RAPGEF1: variants seen among roughly 807,000 people sequenced by gnomAD.
RAPGEF1 encodes CRK SH3-binding GNRP.
In RAPGEF1, 33 loss-of-function variants were observed where a neutral mutation model predicts 143.3. That is an observed-to-expected ratio of 0.23 (90% confidence interval 0.17 to 0.31). RAPGEF1 has a LOEUF of 0.31. Among genes scored for constraint, RAPGEF1 ranks in the 10% least tolerant of loss-of-function variants. The pLI, the probability that RAPGEF1 is intolerant of heterozygous loss-of-function variation, is 1.00. For synonymous variants in RAPGEF1, 629 were observed against 676.5 expected (o/e 0.93, Z 1.09); for missense variants, 1,199 against 1,645.4 (o/e 0.73, Z 4.69).
intron 1 of RAPGEF1, among the ~76,000 whole-genome samples, chr9:131,666,246 C>T (rs12115743): frequency 0.036 from 5,439 of 152,296 alleles, 210 homozygotes; most frequent in East Asian, 0.088. Flanking sequence ...GTTACTAGAA[C>T]ATCTGTTGTT....
chr9:131,613,171 C>T (rs900388320), intron 12 of RAPGEF1, among the ~76,000 whole-genome samples: 1 of 152,252 alleles, frequency 6.6e-6, no homozygotes, highest in African/African-American at 2.4e-5. Flanking sequence ...TGTGCTCCCA[C>T]TGCACAGAGG....
intron 1 of RAPGEF1, among the ~76,000 whole-genome samples, chr9:131,670,926 C>A (rs563806405): frequency 6.6e-6 from 1 of 152,204 alleles, no homozygotes; most frequent in South Asian, 2.1e-4. Context: ...TTACAAAACT[C>A]GCCATACTGA....
chr9:131,688,624 G>A (rs991829667), intron 1 of RAPGEF1, among the ~76,000 whole-genome samples: 4 of 152,210 alleles, frequency 2.6e-5, no homozygotes, highest in Non-Finnish European at 1.5e-5. Flanking sequence ...AAGAAGGCAA[G>A]ACTCAAATCT....
intron 17 of RAPGEF1, among the ~76,000 whole-genome samples, chr9:131,593,469 AG>A: frequency 6.6e-6 from 1 of 152,152 alleles, no homozygotes; most frequent in East Asian, 1.9e-4. Flanking sequence ...TCTCACTGTG[AG>A]GCTGGGTGCA....
intron 17 of RAPGEF1, 134 bp downstream of exon 17, chr9:131,596,164 C>G: frequency 1.3e-6 from 1 of 766,832 alleles, no homozygotes; most frequent in South Asian, 1.7e-5. Context: ...CCTGCTCTGA[C>G]TCAGGCGCAC....
intron 1 of RAPGEF1, among the ~76,000 whole-genome samples, chr9:131,664,496 C>A (rs781358115): frequency 2.6e-5 from 4 of 152,166 alleles, no homozygotes; most frequent in Non-Finnish European, 4.4e-5. Flanking sequence ...TTTCTTACTG[C>A]AAGCCAACAC....
At position 131,620,274 on chromosome 9, in the gene RAPGEF1, C is replaced by CTT. The variant is rs10708548; in HGVS notation, c.1906-1070_1906-1069dup. Among the ~76,000 whole-genome samples the CTT allele has an allele frequency of 4.7e-3, 684 of 146,386 alleles. 5 individuals are homozygous for CTT. The highest frequency in any genetic ancestry group is 0.017 in the African/African-American group (662 of 39,834). On this transcript the variant is annotated intron_variant, in intron 11 of 26. Coordinates refer to ENST00000683357, the MANE Select transcript of RAPGEF1 (RefSeq NM_001377935.1). ...TTCAATAAATCTGGCTCAGCAATGG[C>CTT]TTTTTTTTTTTTTTAGACAGGGTCT...
At chr9:131,614,144 C>CCCA (rs1006488710) in intron 12 of RAPGEF1, among the ~76,000 whole-genome samples, 4 of 127,210 alleles carry the variant, frequency 3.1e-5, no homozygotes, top group African/African-American at 1.2e-4. Flanking sequence ...ACCAACACCC[C>CCCA]CCCCCAAGGA....
At position 131,626,229 on chromosome 9, in the gene RAPGEF1, C is replaced by G; in HGVS notation, c.1395G>C (p.Gln465His). The change falls in exon 10 of 27, where the codon CAG (glutamine) becomes CAC (histidine). Residue 465 changes from glutamine to histidine, a missense_variant. By Grantham distance (24) the Gln-to-His change is conservative. Transcript: ENST00000683357. Reference sequence around the variant, plus strand: ...GGAGAGCAGGTGGCGTATCTGTCTGCTGCCCTGGGGCCAGAGGTCCGTCTG... The same window carrying G: ...GGAGAGCAGGTGGCGTATCTGTCTGGTGCCCTGGGGCCAGAGGTCCGTCTG... ...PQPDGPLAPG[Q>H]QTDTPPALPE... is the part of the protein sequence containing the mutation. 1 of 1,613,916 alleles carries G rather than the reference C, an allele frequency of 6.2e-7. No homozygotes were observed. The highest frequency in any genetic ancestry group is 2.2e-5 in the East Asian group (1 of 44,884).
chr9:131,720,147 A>G (rs1836163053), intron 1 of RAPGEF1, among the ~76,000 whole-genome samples: 1 of 152,098 alleles, frequency 6.6e-6, no homozygotes, highest in Non-Finnish European at 1.5e-5. Context: ...TGGCCTCCCA[A>G]AGTGCTGGGA....
chr9:131,629,492 T>A (rs554009508), intron 6 of RAPGEF1, among the ~76,000 whole-genome samples: 1 of 152,130 alleles, frequency 6.6e-6, no homozygotes, highest in African/African-American at 2.4e-5. Flanking sequence ...GATCTAAGGG[T>A]TCTCTAAAAT....
chr9:131,613,616 G>A (rs926867319), intron 12 of RAPGEF1, among the ~76,000 whole-genome samples: 21 of 152,194 alleles, frequency 1.4e-4, no homozygotes, highest in African/African-American at 4.8e-4. Flanking sequence ...TGGTGGGATT[G>A]GGACAAGAGG....
At chr9:131,687,214 A>AC (rs934372889) in intron 1 of RAPGEF1, among the ~76,000 whole-genome samples, 2 of 152,210 alleles carry the variant, frequency 1.3e-5, no homozygotes, top group African/African-American at 4.8e-5. Context: ...TTTTAAAAAC[A>AC]GAGTCTTGCC....
intron 1 of RAPGEF1, among the ~76,000 whole-genome samples, chr9:131,726,429 C>A (rs967405681): frequency 1.3e-5 from 2 of 152,028 alleles, no homozygotes; most frequent in African/African-American, 4.8e-5. Context: ...GCATTCGAGA[C>A]CATCCTGGCC....
intron 1 of RAPGEF1, among the ~76,000 whole-genome samples, chr9:131,684,862 T>G (rs1174911834): frequency 6.6e-6 from 1 of 152,194 alleles, no homozygotes; most frequent in Non-Finnish European, 1.5e-5. Flanking sequence ...CAAGGACCCC[T>G]CAGTTGCAGC....
chr9:131,640,706 A>G (rs1967680065), intron 4 of RAPGEF1, among the ~76,000 whole-genome samples: 1 of 152,188 alleles, frequency 6.6e-6, no homozygotes, highest in Non-Finnish European at 1.5e-5. Context: ...TCACTGTCTC[A>G]GGAACCGAGG....
intron 12 of RAPGEF1, among the ~76,000 whole-genome samples, chr9:131,608,216 G>A (rs964609813): frequency 1.3e-5 from 2 of 152,238 alleles, no homozygotes; most frequent in African/African-American, 4.8e-5. Flanking sequence ...CCTCCGCATG[G>A]TGCTGGTGCG....
At chr9:131,599,120 GCCACT>G (rs1955815970) in intron 15 of RAPGEF1, among the ~76,000 whole-genome samples, 2 of 140,680 alleles carry the variant, frequency 1.4e-5, no homozygotes, top group South Asian at 2.3e-4. Flanking sequence ...ACCGTGCCCA[GCCACT>G]TATTTGTTTT....
intron 5 of RAPGEF1, among the ~76,000 whole-genome samples, chr9:131,630,952 T>C (rs1356180091): frequency 6.6e-6 from 1 of 152,134 alleles, no homozygotes; most frequent in Non-Finnish European, 1.5e-5. Context: ...ATGTGTTTTT[T>C]TTTTTAAATT....
Sources: allele counts gnomAD v4.1 joint callset (sites outside exome capture counted in the v4.1 genomes callset), GRCh38; gene constraint gnomAD v4.1.1; transcripts MANE v1.5; gene names NCBI Gene and HGNC (gene_info 2026-07-23, HGNC 2026-07-21).